The following NAA11 variants were observed in gnomAD, a reference collection of about 807,000 sequenced individuals.
NAA11 encodes N-alpha-acetyltransferase 11, NatA catalytic subunit, also known as N-alpha-acetyltransferase 11.
A neutral mutation model predicts 16.1 loss-of-function variants in NAA11; 15 were observed. That is an observed-to-expected ratio of 0.93 (90% CI 0.62 to 1.44). The LOEUF (loss-of-function observed/expected upper bound fraction) is 1.44, where lower values mean the gene tolerates loss of function less well. Ranked by LOEUF, NAA11 falls within the 40% of genes most tolerant of loss-of-function variation. The probability of loss-of-function intolerance (pLI) is 0.00; values close to 1 mark genes in which losing one functional copy is unlikely to be tolerated. For missense variants in NAA11, 298 were observed against 291.3 expected (o/e 1.02, Z -0.17); for synonymous variants, 122 against 112.4 (o/e 1.09, Z -0.54).
the NAA11 span, among the ~76,000 whole-genome samples, chr4:79,188,488 G>A: frequency 6.6e-6 from 1 of 152,152 alleles, no homozygotes; most frequent in Non-Finnish European, 1.5e-5. Context: ...CAGAGGCTGA[G>A]GCAGGAGAAT....
At chr4:79,236,435 T>G (rs1409881762) in intron 2 of NAA11, among the ~76,000 whole-genome samples, 1 of 152,198 alleles carries the variant, frequency 6.6e-6, no homozygotes, top group East Asian at 1.9e-4. Context: ...TTATTTCAAT[T>G]TGAAGAATTT....
chr4:79,216,159 A>C, the NAA11 span, among the ~76,000 whole-genome samples: 1 of 152,132 alleles, frequency 6.6e-6, no homozygotes, highest in Non-Finnish European at 1.5e-5. Flanking sequence ...TTTGGGGAGC[A>C]AGGTAGGAGA....
chr4:79,191,921 C>T, the NAA11 span, among the ~76,000 whole-genome samples: 1 of 152,126 alleles, frequency 6.6e-6, no homozygotes, highest in Non-Finnish European at 1.5e-5. Flanking sequence ...TATCCCAGCA[C>T]CATTTATTGA....
the NAA11 span, among the ~76,000 whole-genome samples, chr4:79,189,657 A>G: frequency 6.6e-6 from 1 of 152,248 alleles, no homozygotes; most frequent in Admixed American, 6.5e-5. Flanking sequence ...CTTGATTAGA[A>G]ACTTGATTAG....
At chr4:79,255,742 G>A (rs1244114832) in intron 2 of NAA11, among the ~76,000 whole-genome samples, 1 of 152,216 alleles carries the variant, frequency 6.6e-6, no homozygotes, top group Non-Finnish European at 1.5e-5. Context: ...GTGGAAGAAA[G>A]CAGCTTTATT....
chr4:79,192,609 T>G, the NAA11 span, among the ~76,000 whole-genome samples: 1 of 152,152 alleles, frequency 6.6e-6, no homozygotes, highest in African/African-American at 2.4e-5. Context: ...TGCCACATTT[T>G]CTTAATTCAG....
At chr4:79,301,059 A>G (rs1313312739) in intron 1 of NAA11, among the ~76,000 whole-genome samples, 1 of 152,204 alleles carries the variant, frequency 6.6e-6, no homozygotes, top group Non-Finnish European at 1.5e-5. Context: ...CCTTAAATGA[A>G]TTAGCAAACT....
the NAA11 span, among the ~76,000 whole-genome samples, chr4:79,192,840 A>G: frequency 1.2e-3 from 182 of 151,144 alleles, 1 homozygote; most frequent in African/African-American, 4.2e-3. Context: ...TTACAGTCCC[A>G]CCAACAGTGT....
intron 2 of NAA11, among the ~76,000 whole-genome samples, chr4:79,233,083 GC>G (rs1380033371): frequency 2.6e-5 from 4 of 151,810 alleles, no homozygotes; most frequent in Non-Finnish European, 5.9e-5. Flanking sequence ...TCATCACCTG[GC>G]CTTAGTCATT....
At chr4:79,183,100 G>A in the NAA11 span, among the ~76,000 whole-genome samples, 3 of 152,210 alleles carry the variant, frequency 2.0e-5, no homozygotes, top group Non-Finnish European at 4.4e-5. Flanking sequence ...GTCTATTAAA[G>A]CAACTGCGTA....
the NAA11 span, among the ~76,000 whole-genome samples, chr4:79,204,784 C>G: frequency 6.6e-6 from 1 of 151,872 alleles, no homozygotes; most frequent in Non-Finnish European, 1.5e-5. Context: ...CATAGCTTAG[C>G]TCCCATTTAT....
At chr4:79,322,046 C>G (rs1724104803) in intron 1 of NAA11, among the ~76,000 whole-genome samples, 1 of 152,130 alleles carries the variant, frequency 6.6e-6, no homozygotes, top group Non-Finnish European at 1.5e-5. Context: ...CCACATTGTA[C>G]TATGATGTGA....
At chr4:79,191,664 G>A in the NAA11 span, among the ~76,000 whole-genome samples, 1 of 152,094 alleles carries the variant, frequency 6.6e-6, no homozygotes, top group African/African-American at 2.4e-5. Flanking sequence ...TTCTTTTGCT[G>A]TACAGAGGTT....
At chr4:79,270,386 A>G (rs1722465806) in intron 2 of NAA11, among the ~76,000 whole-genome samples, 1 of 151,320 alleles carries the variant, frequency 6.6e-6, no homozygotes, top group South Asian at 2.1e-4. Flanking sequence ...GCAATAATCA[A>G]TAGCTTACCA....
Position 79,325,731 on chromosome 4 carries a change from G to A in NAA11, c.147C>T (p.Asp49=), listed in dbSNP as rs1724255971. ...CCAGAACATAGCCCACAATCTTCCC[G>A]TCCTCATCCTCAGCGATGTAAGAAA... ...PQLSYIAEDE[D]GKIVGYVLAK... Residue 49 remains aspartate (D), a synonymous_variant, in exon 1 of 2, where the codon GAC becomes GAT. Transcript: ENST00000286794. 6.2e-7 allele frequency: 1 copy of A among 1,614,162 alleles called. No individual in the cohort carries two copies. The highest frequency in any genetic ancestry group is 8.5e-7 in the Non-Finnish European group (1 of 1,180,026).
chr4:79,175,540 CAAT>C, the NAA11 span, among the ~76,000 whole-genome samples: 8 of 152,012 alleles, frequency 5.3e-5, no homozygotes, highest in African/African-American at 1.9e-4. Context: ...CGCTGTATAA[CAAT>C]GAGAATGATA....
At chr4:79,209,198 A>G in the NAA11 span, among the ~76,000 whole-genome samples, 271 of 152,246 alleles carry the variant, frequency 1.8e-3, 4 homozygotes, top group Non-Finnish European at 6.2e-4. Context: ...AGTGGCCTAA[A>G]TGAGTTAGGA....
At chr4:79,252,136 G>C (rs1722011284) in intron 2 of NAA11, among the ~76,000 whole-genome samples, 4 of 152,164 alleles carry the variant, frequency 2.6e-5, no homozygotes, top group Admixed American at 6.5e-5. Flanking sequence ...TAAACAATGG[G>C]TTGCATGAAC....
chr4:79,255,920 T>G (rs1722099177), intron 2 of NAA11, among the ~76,000 whole-genome samples: 1 of 152,202 alleles, frequency 6.6e-6, no homozygotes, highest in African/African-American at 2.4e-5. Context: ...GTAGTAACTT[T>G]GGGTCATTGC....
Sources: allele counts gnomAD v4.1 joint callset (sites outside exome capture counted in the v4.1 genomes callset), GRCh38; gene constraint gnomAD v4.1.1; transcripts MANE v1.5; gene names NCBI Gene and HGNC (gene_info 2026-07-23, HGNC 2026-07-21).